Variants in RAD51 observed in about 807,000 individuals in gnomAD.
RAD51 encodes the protein DNA repair protein RAD51 homolog 1.
In RAD51, 14 loss-of-function variants were observed where a neutral mutation model predicts 41.5. The ratio of observed to expected loss-of-function variants is 0.34; its 90% CI spans 0.22 to 0.53. The LOEUF (loss-of-function observed/expected upper bound fraction) is 0.53, where lower values mean the gene tolerates loss of function less well. RAD51 is among the 20% of genes least tolerant of loss of function. The pLI, the probability that RAD51 is intolerant of heterozygous loss-of-function variation, is 0.95. For missense variants in RAD51, 234 were observed against 422.0 expected (o/e 0.55, Z 3.90); for synonymous variants, 136 against 148.6 (o/e 0.92, Z 0.62).
Position 40,731,077 on chromosome 15 carries a change from G to A in RAD51, c.919G>A (p.Gly307Arg). 6.2e-7 allele frequency: 1 copy of A among 1,614,160 alleles called. No homozygotes were observed. Among genetic ancestry groups the A allele is most frequent in the Non-Finnish European group, 8.5e-7 (1 of 1,180,014 alleles). The change falls in exon 10 of 10, where the codon GGG (glycine) becomes AGG (arginine). Residue 307 changes from glycine (G) to arginine (R), a missense_variant. Gly to Arg is a moderately radical substitution (Grantham distance 125). This residue lies in a region of RAD51 where 134 missense variants were observed against 286.5 expected (regional missense o/e 0.47). Transcript: ENST00000267868. Reference protein sequence around the residue: ...TTRLYLRKGRGETRICKIYDS... With the variant: ...TTRLYLRKGRRETRICKIYDS... ...CAGATTGTATCTGAGGAAAGGAAGA[G>A]GGGAAACCAGAATCTGCAAAATCTA...
At chr15:40,704,266 G>A (rs969921042) in intron 3 of RAD51, among the ~76,000 whole-genome samples, 4 of 151,238 alleles carry the variant, frequency 2.6e-5, no homozygotes, top group Non-Finnish European at 5.9e-5. Context: ...GGGTTTCACC[G>A]TGTTAGCCAG....
chr15:40,730,520 CTTTTT>C lies in RAD51; in HGVS notation c.897-520_897-516del, dbSNP rs778467789. Among the ~76,000 whole-genome samples, 91 of 113,076 alleles carry C rather than the reference CTTTTT, an allele frequency of 8.0e-4. 1 individual carries two copies. In the South Asian group the frequency reaches 9.9e-3, roughly 12 times the overall value. 74.2% of individuals were successfully genotyped at this position (113,076 alleles called of 152,430 possible). On this transcript the variant is annotated intron_variant, in intron 9 of 9. Transcript: ENST00000267868. ...ACACTGTCTTGAAAAAATTTTTTTT[CTTTTT>C]TTTTTTTTTTTTTTGAGATGGAGTC...
Position 40,731,626 on chromosome 15 carries a change from G to T in RAD51, c.*448G>T, listed in dbSNP as rs1472437103. The T allele has an allele frequency of 1.2e-5, 3 of 245,812 alleles. No individual in the cohort carries two copies. The highest frequency in any genetic ancestry group is 6.6e-5 in the African/African-American group (3 of 45,320). 15.2% of individuals were successfully genotyped at this position (245,812 alleles called of 1,614,324 possible). On this transcript the variant is annotated 3_prime_UTR_variant, in exon 10 of 10. Coordinates refer to ENST00000267868, the MANE Select transcript of RAD51 (RefSeq NM_002875.5). ...CTGCACAGATTCTTTTTTTCTGTCA[G>T]TAAAACTCTCAAGCAGGTTTTTAAG...
In RAD51 at chr15:40,731,074, A is replaced by G; in HGVS notation, c.916A>G (p.Arg306Gly). The G allele has an allele frequency of 6.2e-7, 1 of 1,614,134 alleles. No homozygotes were observed. Residue 306 changes from arginine (R) to glycine (G), a missense_variant, in exon 10 of 10, where the codon AGA becomes GGA. Around this residue, in one of 2 missense-constraint regions of RAD51, gnomAD observed 134 missense variants for 286.5 expected, o/e 0.47. Coordinates refer to ENST00000267868, the MANE Select transcript of RAD51 (RefSeq NM_002875.5). ...GGTCAGATTGTATCTGAGGAAAGGA[A>G]GAGGGGAAACCAGAATCTGCAAAAT... ...STTRLYLRKG[R>G]GETRICKIYD...
At position 40,731,164 on chromosome 15, in the gene RAD51, G is replaced by A. The variant is rs2141887228; in HGVS notation, c.1006G>A (p.Asp336Asn). Residue 336 changes from aspartate to asparagine, a missense_variant, in exon 10 of 10, where the codon GAT becomes AAT. By Grantham distance (23) the Asp-to-Asn change is conservative. Coordinates refer to ENST00000267868, the MANE Select transcript of RAD51 (RefSeq NM_002875.5). The stretch of plus-strand genomic sequence containing the variant: ...CGCCATTAATGCAGATGGAGTGGGA[G>A]ATGCCAAAGACTGAATCATTGGGTT... Reference protein sequence around the residue: ...MFAINADGVGDAKD With the variant: ...MFAINADGVGNAKD 6.2e-7 allele frequency: 1 copy of A among 1,614,098 alleles called. No individual in the cohort carries two copies. The highest frequency in any genetic ancestry group is 8.5e-7 in the Non-Finnish European group (1 of 1,179,996).
At chr15:40,713,751 C>T (rs8025008) in intron 5 of RAD51, among the ~76,000 whole-genome samples, 33,730 of 151,360 alleles carry the variant, frequency 0.22, 4,753 homozygotes, top group East Asian at 0.67. Flanking sequence ...GGACTACAGG[C>T]GCCCGCCACC....
At chr15:40,719,023 C>A in intron 6 of RAD51, 124 bp downstream of exon 6, 2 of 829,806 alleles carry the variant, frequency 2.4e-6, no homozygotes, top group East Asian at 2.7e-5. Flanking sequence ...ATGTGTGGTT[C>A]AAAAGAATGA....
rs377264704 is a variant in RAD51 at position 40,718,873 on chromosome 15, A to G, written c.504A>G (p.Pro168=). ...TTGACACTGAGGGTACCTTTAGGCC[A>G]GAACGGCTGCTGGCAGTGGCTGAGA... ...MYIDTEGTFR[P]ERLLAVAERY... Residue 168 remains proline (P), a synonymous_variant, in exon 6 of 10, where the codon CCA becomes CCG. Transcript: ENST00000267868. 2 of 1,613,160 alleles carry G rather than the reference A, an allele frequency of 1.2e-6. No individual in the cohort carries two copies. The highest frequency in any genetic ancestry group is 1.3e-5 in the African/African-American group (1 of 74,890).
Position 40,731,038 on chromosome 15 carries a change from CTG to C in RAD51, c.897-13_897-12del. 6.2e-7 allele frequency: 1 copy of C among 1,613,954 alleles called. No individual in the cohort carries two copies. Among genetic ancestry groups the C allele is most frequent in the Non-Finnish European group, 8.5e-7 (1 of 1,179,942 alleles). Reference sequence around the variant, plus strand: ...AATTATAATAAATTGGTGCTTTGGTCTGTGTCTTTGGGTCAGATTGTATCTGA... The same window carrying C: ...AATTATAATAAATTGGTGCTTTGGTCTGTCTTTGGGTCAGATTGTATCTGA... On this transcript the variant is annotated splice_polypyrimidine_tract_variant and intron_variant, in intron 9 of 9. Transcript: ENST00000267868.
chr15:40,703,964 T>C (rs891896466), intron 3 of RAD51, among the ~76,000 whole-genome samples: 4 of 152,122 alleles, frequency 2.6e-5, no homozygotes, highest in African/African-American at 9.6e-5. Flanking sequence ...AGTGCAGTGG[T>C]GTGATCATAG....
chr15:40,731,232 T>C lies in RAD51; in HGVS notation c.*54T>C. The stretch of plus-strand genomic sequence containing the variant: ...CTTAAGTGCTGCAGCCTAATGAGAG[T>C]GCACTGCTCCCTGGGGTTCTCTACA... On this transcript the variant is annotated 3_prime_UTR_variant, in exon 10 of 10. Coordinates refer to ENST00000267868, the MANE Select transcript of RAD51 (RefSeq NM_002875.5). 3.1e-6 allele frequency: 5 copies of C among 1,611,080 alleles called. No individual in the cohort carries two copies. Among genetic ancestry groups the C allele is most frequent in the Non-Finnish European group, 4.2e-6 (5 of 1,177,670 alleles).
At chr15:40,709,905 G>A (rs535114355) in intron 5 of RAD51, among the ~76,000 whole-genome samples, 227 of 152,094 alleles carry the variant, frequency 1.5e-3, no homozygotes, top group Admixed American at 2.4e-3. Flanking sequence ...GCTCACGCCT[G>A]TAATCCCAGT....
intron 3 of RAD51, among the ~76,000 whole-genome samples, chr15:40,704,511 G>A (rs1895207221): frequency 1.3e-5 from 2 of 151,474 alleles, no homozygotes; most frequent in Non-Finnish European, 2.9e-5. Context: ...ACAGGCGCAC[G>A]CCACCACGCC....
chr15:40,725,383 CTCTT>C (rs1567052633), intron 6 of RAD51, among the ~76,000 whole-genome samples: 1 of 152,114 alleles, frequency 6.6e-6, no homozygotes, highest in African/African-American at 2.4e-5. Flanking sequence ...TTAATCAGGT[CTCTT>C]TATCAAGAAA....
At chr15:40,724,542 G>GC (rs548922091) in intron 6 of RAD51, among the ~76,000 whole-genome samples, 9 of 151,852 alleles carry the variant, frequency 5.9e-5, no homozygotes, top group Non-Finnish European at 1.2e-4. Flanking sequence ...GTCTCACTCT[G>GC]CCCCCACTAG....
Position 40,729,909 on chromosome 15 carries a change from G to T in RAD51, c.831G>T (p.Ala277=), listed in dbSNP as rs752022051. ...NQVVAQVDGA[A]MFAADPKKPI... Reference sequence around the variant, plus strand: ...TGGTAGCTCAAGTGGATGGAGCAGCGATGTTTGCTGCTGATCCCAAAAAAC... The same window carrying T: ...TGGTAGCTCAAGTGGATGGAGCAGCTATGTTTGCTGCTGATCCCAAAAAAC... Residue 277 remains alanine, a synonymous_variant, in exon 9 of 10, where the codon GCG becomes GCT. Coordinates refer to ENST00000267868, the MANE Select transcript of RAD51 (RefSeq NM_002875.5). 3.1e-6 allele frequency: 5 copies of T among 1,613,790 alleles called. No homozygotes were observed. Among genetic ancestry groups the T allele is most frequent in the Non-Finnish European group, 4.2e-6 (5 of 1,179,790 alleles).
chr15:40,710,241 CA>C (rs71104728), intron 5 of RAD51, among the ~76,000 whole-genome samples: 2,044 of 44,236 alleles, frequency 0.046, 117 homozygotes, highest in East Asian at 0.069. Context: ...GACTCTGTCT[CA>C]AAAAAAAAAA....
chr15:40,703,018 TCTC>T (rs1213386605), intron 3 of RAD51, among the ~76,000 whole-genome samples: 1 of 152,082 alleles, frequency 6.6e-6, no homozygotes, highest in Non-Finnish European at 1.5e-5. Flanking sequence ...GCTAATACAT[TCTC>T]CTGTTTTTCA....
At chr15:40,728,622 C>A in intron 6 of RAD51, 89 bp from the exon 7 acceptor site, 1 of 1,025,170 alleles carries the variant, frequency 9.8e-7, no homozygotes. Context: ...TTCTTCCCTA[C>A]CTATTCAGGT....
Sources: gnomAD v4.1 joint callset for allele counts (sites outside exome capture counted in the v4.1 genomes callset) on GRCh38, gnomAD v4.1.1 for gene constraint, gnomAD v4.1.1 regional missense constraint, MANE v1.5 for transcripts, NCBI Gene and HGNC (gene_info 2026-07-23, HGNC 2026-07-21) for gene names.